The following TANGO6 variants were observed in gnomAD, a reference collection of about 807,000 sequenced individuals.
TANGO6 encodes the protein transport and golgi organization 6 homolog.
TANGO6 carries 90 observed loss-of-function variants against 114.2 expected under a neutral mutation model. The observed-to-expected ratio is 0.79, with a 90% confidence interval of 0.66 to 0.94. The LOEUF (loss-of-function observed/expected upper bound fraction) is 0.94. TANGO6 is among the 40% of genes least tolerant of loss of function. TANGO6 has a pLI of 0.00. For missense variants in TANGO6, 1,274 were observed against 1,315.3 expected (o/e 0.97, Z 0.49); for synonymous variants, 477 against 509.8 (o/e 0.94, Z 0.87).
intron 14 of TANGO6, among the ~76,000 whole-genome samples, chr16:68,972,348 G>C (rs1458318788): frequency 6.6e-6 from 1 of 152,112 alleles, no homozygotes; most frequent in African/African-American, 2.4e-5. Context: ...GAAGAGTGTG[G>C]ATGTGATTTA....
At chr16:69,075,779 T>A (rs1347273558) in intron 17 of TANGO6, among the ~76,000 whole-genome samples, 1 of 151,028 alleles carries the variant, frequency 6.6e-6, no homozygotes, top group Non-Finnish European at 1.5e-5. Context: ...TTTTTTTTTT[T>A]TTTGAGACAG....
At chr16:68,933,234 G>C (rs913515960) in intron 14 of TANGO6, among the ~76,000 whole-genome samples, 1 of 152,168 alleles carries the variant, frequency 6.6e-6, no homozygotes, top group East Asian at 1.9e-4. Context: ...GATCAACATG[G>C]TGAAACCCTG....
chr16:69,038,070 A>G (rs150702213), intron 16 of TANGO6, among the ~76,000 whole-genome samples: 8 of 152,302 alleles, frequency 5.3e-5, no homozygotes, highest in Admixed American at 2.6e-4. Context: ...CTATTTTCCT[A>G]TCATAATTAG....
intron 7 of TANGO6, among the ~76,000 whole-genome samples, chr16:68,888,120 A>G (rs1177971691): frequency 2.0e-5 from 3 of 152,148 alleles, no homozygotes; most frequent in African/African-American, 7.2e-5. Context: ...CGTGTACTTC[A>G]TCTGCATAAA....
chr16:69,018,139 C>CTT (rs34796579), intron 15 of TANGO6, among the ~76,000 whole-genome samples: 2,895 of 76,982 alleles, frequency 0.038, 275 homozygotes, highest in Non-Finnish European at 0.055. Flanking sequence ...TTGGAAATCT[C>CTT]TTTTTTTTTT....
At chr16:68,923,420 A>G (rs370398446) in intron 12 of TANGO6, among the ~76,000 whole-genome samples, 4 of 152,108 alleles carry the variant, frequency 2.6e-5, no homozygotes, top group African/African-American at 9.7e-5. Context: ...CTAGAGGTCT[A>G]TTGCAGAATG....
chr16:69,063,659 A>AC (rs1409157842), intron 17 of TANGO6, among the ~76,000 whole-genome samples: 3 of 145,496 alleles, frequency 2.1e-5, no homozygotes, highest in Admixed American at 1.4e-4. Flanking sequence ...AAAAAAAAAA[A>AC]AAAAAAAAAA....
At position 69,083,594 on chromosome 16, in the gene TANGO6, A is replaced by G. The variant is rs1159956363; in HGVS notation, c.3218A>G (p.Asp1073Gly). ...LHAQLALEEL[D>G]DIMKNFLFPP... The stretch of plus-strand genomic sequence containing the variant: ...GCCCAGTTGGCCCTAGAAGAGCTGG[A>G]TGACATCATGAAAAACTTCCTGTTC... Residue 1073 changes from aspartate (D) to glycine (G), a missense_variant, in exon 18 of 18, where the codon GAT (aspartate) becomes GGT (glycine). Coordinates refer to ENST00000261778, the MANE Select transcript of TANGO6 (RefSeq NM_024562.2). The G allele has an allele frequency of 6.3e-7, 1 of 1,594,896 alleles. No individual in the cohort carries two copies. The highest frequency in any genetic ancestry group is 2.3e-5 in the East Asian group (1 of 44,168).
Position 68,909,421 on chromosome 16 carries a change from C to A in TANGO6, c.1992+19C>A. On this transcript the variant is annotated intron_variant, in intron 11 of 17. Coordinates refer to ENST00000261778, the MANE Select transcript of TANGO6 (RefSeq NM_024562.2). The stretch of plus-strand genomic sequence containing the variant: ...CACTCAGGTCAGTAGTTGCCACATT[C>A]TGGACCGCAGCCTTTTTTTCTTTCC... 1 of 1,472,654 alleles carries A rather than the reference C, an allele frequency of 6.8e-7. No homozygotes were observed. The highest frequency in any genetic ancestry group is 9.0e-7 in the Non-Finnish European group (1 of 1,107,160). The allele number at this position is 1,472,654 out of a possible 1,614,324, so 91.2% of individuals were successfully genotyped here. A position where few individuals can be genotyped will look rare whatever the true frequency, so the allele number is the denominator to read the frequency against.
intron 17 of TANGO6, among the ~76,000 whole-genome samples, chr16:69,078,414 AG>A (rs1597082575): frequency 6.6e-6 from 1 of 152,234 alleles, no homozygotes; most frequent in Admixed American, 6.5e-5. Flanking sequence ...TGGAATGCTC[AG>A]GGGACTCTGG....
chr16:68,860,618 G>A, intron 2 of TANGO6, 94 bp downstream of exon 2: 1 of 1,461,358 alleles, frequency 6.8e-7, no homozygotes, highest in Non-Finnish European at 9.1e-7. Context: ...GCAACTCTTA[G>A]TTCTTCAGAA....
At chr16:69,062,630 G>A (rs1402305184) in intron 17 of TANGO6, among the ~76,000 whole-genome samples, 2 of 151,312 alleles carry the variant, frequency 1.3e-5, no homozygotes, top group South Asian at 2.1e-4. Flanking sequence ...CTGCCACTGC[G>A]CCTGGCTAAT....
intron 9 of TANGO6, among the ~76,000 whole-genome samples, chr16:68,903,615 C>CAA (rs1175415785): frequency 0.19 from 11,074 of 58,990 alleles, 752 homozygotes; most frequent in Non-Finnish European, 0.23. Context: ...GAGACCATCT[C>CAA]AAAAAAAAAA....
chr16:69,073,728 C>T (rs1019464806), intron 17 of TANGO6, among the ~76,000 whole-genome samples: 13 of 151,974 alleles, frequency 8.6e-5, no homozygotes, highest in Non-Finnish European at 1.3e-4. Context: ...AGGCCGAGGC[C>T]GGCAGATCAC....
At chr16:69,022,186 G>A (rs1464055990) in intron 15 of TANGO6, among the ~76,000 whole-genome samples, 3 of 151,848 alleles carry the variant, frequency 2.0e-5, no homozygotes, top group African/African-American at 7.3e-5. Flanking sequence ...GCGCCTGGCC[G>A]TGTATGTAAA....
chr16:69,081,369 CTT>C (rs956929425), intron 17 of TANGO6, among the ~76,000 whole-genome samples: 1 of 147,650 alleles, frequency 6.8e-6, no homozygotes, highest in African/African-American at 2.5e-5. Flanking sequence ...AATCTCCTTA[CTT>C]TTTTTTTTTA....
intron 5 of TANGO6, 21 bp from the exon 6 acceptor site, chr16:68,878,097 C>A: frequency 5.0e-6 from 8 of 1,594,256 alleles, no homozygotes; most frequent in Non-Finnish European, 6.8e-6. Flanking sequence ...CTGGTATTTA[C>A]TTCTTGTAGT....
chr16:68,922,395 G>A (rs1388111071), intron 12 of TANGO6, among the ~76,000 whole-genome samples: 1 of 152,060 alleles, frequency 6.6e-6, no homozygotes, highest in Non-Finnish European at 1.5e-5. Flanking sequence ...AATCAGCCGG[G>A]CTTGGTGGCG....
chr16:69,062,491 G>T (rs1481261624), intron 17 of TANGO6, among the ~76,000 whole-genome samples: 3 of 151,492 alleles, frequency 2.0e-5, no homozygotes, highest in Non-Finnish European at 2.9e-5. Flanking sequence ...TATTTTTTTT[G>T]AGACGGAGTC....
Sources: allele counts gnomAD v4.1 joint callset (sites outside exome capture counted in the v4.1 genomes callset), GRCh38; gene constraint gnomAD v4.1.1; transcripts MANE v1.5; gene names NCBI Gene and HGNC (gene_info 2026-07-23, HGNC 2026-07-21).